The following FAM53B variants were observed in gnomAD, a reference collection of about 807,000 sequenced individuals.
FAM53B encodes the protein protein FAM53B.
Under a neutral mutation model 32.7 loss-of-function variants are expected in FAM53B, and 12 were observed. The observed-to-expected ratio is 0.37, with a 90% CI of 0.24 to 0.59. The LOEUF is 0.59. Among genes scored for constraint, FAM53B ranks in the 20% least tolerant of loss-of-function variants. The pLI, the probability that FAM53B is intolerant of heterozygous loss-of-function variation, is 0.72. For synonymous variants in FAM53B, 234 were observed against 228.7 expected (o/e 1.02, Z -0.21); for missense variants, 477 against 577.7 (o/e 0.83, Z 1.79).
chr10:124,646,572 G>A (rs1267516272), intron 4 of FAM53B, among the ~76,000 whole-genome samples: 2 of 152,216 alleles, frequency 1.3e-5, no homozygotes, highest in Non-Finnish European at 2.9e-5. Context: ...CATGAGACGA[G>A]GTTCCCGATA....
chr10:124,726,020 C>T (rs980518036), intron 1 of FAM53B, among the ~76,000 whole-genome samples: 2 of 152,114 alleles, frequency 1.3e-5, no homozygotes, highest in Non-Finnish European at 2.9e-5. Context: ...TAGAGAATTG[C>T]CTGAGAACTC....
Position 124,621,458 on chromosome 10 carries a change from G to A in FAM53B, c.*1784C>T, listed in dbSNP as rs535900808. On this transcript the variant is annotated 3_prime_UTR_variant, in exon 5 of 5. Transcript: ENST00000337318. ...CCGGCAGGAGCTACAGCAACCAGAG[G>A]TGAGCTGGTTCCCCGGCTCTGGGAC... 1.3e-5 allele frequency: 2 copies of A among 152,380 alleles called. No homozygotes were observed. The highest frequency in any genetic ancestry group is 3.9e-4 in the East Asian group (2 of 5,178). The allele number at this position is 152,380 out of a possible 1,614,324, so 9.4% of individuals were successfully genotyped here.
intron 3 of FAM53B, among the ~76,000 whole-genome samples, chr10:124,685,263 T>C (rs192837866): frequency 2.0e-5 from 3 of 152,384 alleles, no homozygotes; most frequent in East Asian, 1.9e-4. Flanking sequence ...TGTTCTTCTA[T>C]AGTCTCCAAA....
Position 124,620,894 on chromosome 10 carries a change from G to A in FAM53B, c.*2348C>T, listed in dbSNP as rs1564858243. 6.6e-6 allele frequency: 1 copy of A among 152,316 alleles called. No homozygotes were observed. Among genetic ancestry groups the A allele is most frequent in the Non-Finnish European group, 1.5e-5 (1 of 68,108 alleles). 9.4% of individuals were successfully genotyped at this position (152,316 alleles called of 1,614,324 possible). Reference sequence around the variant, plus strand: ...GGTCATTTCTCCCTAAGCGCCCTGGGGCTGGGCTTGCTGGTCGATGGGACC... The same window carrying A: ...GGTCATTTCTCCCTAAGCGCCCTGGAGCTGGGCTTGCTGGTCGATGGGACC... On this transcript the variant is annotated 3_prime_UTR_variant, in exon 5 of 5. Transcript: ENST00000337318.
chr10:124,707,939 C>T (rs1380123038), intron 1 of FAM53B: 1 of 152,206 alleles, frequency 6.6e-6, no homozygotes, highest in Non-Finnish European at 1.5e-5. Context: ...TCCGATAACC[C>T]ACCATCATTT....
At chr10:124,712,615 C>T (rs1950011843) in intron 1 of FAM53B, among the ~76,000 whole-genome samples, 1 of 152,124 alleles carries the variant, frequency 6.6e-6, no homozygotes, top group Admixed American at 6.5e-5. Context: ...CCACATTCAC[C>T]TCCCACCTCT....
chr10:124,636,171 C>T (rs1423512838), intron 4 of FAM53B, among the ~76,000 whole-genome samples: 1 of 152,176 alleles, frequency 6.6e-6, no homozygotes, highest in Non-Finnish European at 1.5e-5. Context: ...TTCACATGAT[C>T]GCTTGTGTTT....
chr10:124,628,440 G>C (rs1273980138), intron 4 of FAM53B, among the ~76,000 whole-genome samples: 2 of 152,204 alleles, frequency 1.3e-5, no homozygotes, highest in African/African-American at 4.8e-5. Flanking sequence ...AACCTGGAGG[G>C]TTCCGGAGAG....
intron 1 of FAM53B, among the ~76,000 whole-genome samples, chr10:124,716,901 G>A (rs1950041498): frequency 6.6e-6 from 1 of 152,104 alleles, no homozygotes; most frequent in South Asian, 2.1e-4. Context: ...GGGGACCGCA[G>A]CGGGCCCCAA....
intron 4 of FAM53B, among the ~76,000 whole-genome samples, chr10:124,675,134 A>G (rs1176733950): frequency 6.6e-6 from 1 of 152,198 alleles, no homozygotes; most frequent in Non-Finnish European, 1.5e-5. Flanking sequence ...CCTTAAGCAG[A>G]TTGCTTGTGC....
intron 3 of FAM53B, among the ~76,000 whole-genome samples, chr10:124,683,611 G>A (rs1005770058): frequency 1.5e-4 from 23 of 152,148 alleles, no homozygotes; most frequent in African/African-American, 5.6e-4. Flanking sequence ...AAGGCTTGGG[G>A]GACACTAAGC....
chr10:124,659,609 C>T (rs1172205659), intron 4 of FAM53B, among the ~76,000 whole-genome samples: 2 of 152,356 alleles, frequency 1.3e-5, no homozygotes, highest in Admixed American at 1.3e-4. Flanking sequence ...AAAACCACAG[C>T]CAGCTGAGGC....
intron 2 of FAM53B, among the ~76,000 whole-genome samples, chr10:124,700,729 T>C (rs548316894): frequency 2.1e-4 from 32 of 152,180 alleles, no homozygotes; most frequent in African/African-American, 7.0e-4. Flanking sequence ...CTGCAGAAAA[T>C]GCCAGGCCAC....
chr10:124,742,616 C>G (rs901533831), intron 1 of FAM53B: 2 of 152,298 alleles, frequency 1.3e-5, no homozygotes, highest in Admixed American at 6.5e-5. Flanking sequence ...CCTGGCTTCC[C>G]AGGCCAATAA....
intron 2 of FAM53B, among the ~76,000 whole-genome samples, chr10:124,706,378 T>C (rs1278488016): frequency 6.6e-6 from 1 of 152,208 alleles, no homozygotes; most frequent in East Asian, 1.9e-4. Context: ...TCACACTTGC[T>C]GTTATTTACC....
intron 2 of FAM53B, among the ~76,000 whole-genome samples, chr10:124,698,045 G>A (rs1214787095): frequency 6.6e-6 from 1 of 152,194 alleles, no homozygotes; most frequent in African/African-American, 2.4e-5. Flanking sequence ...GCACAGCTGA[G>A]AGCTCAGCCT....
At chr10:124,665,011 T>C (rs1949660150) in intron 4 of FAM53B, among the ~76,000 whole-genome samples, 1 of 152,134 alleles carries the variant, frequency 6.6e-6, no homozygotes, top group Admixed American at 6.5e-5. Flanking sequence ...CCTGGTAAGG[T>C]AGAGGGAGAA....
intron 4 of FAM53B, among the ~76,000 whole-genome samples, chr10:124,654,287 T>A (rs1949573031): frequency 6.6e-6 from 1 of 152,250 alleles, no homozygotes; most frequent in African/African-American, 2.4e-5. Flanking sequence ...ACAAAGGACC[T>A]GGAGCCTAGG....
At position 124,622,704 on chromosome 10, in the gene FAM53B, C is replaced by T. The variant is rs368239828; in HGVS notation, c.*538G>A. The T allele has an allele frequency of 2.7e-4, 41 of 153,178 alleles. No individual in the cohort carries two copies. The highest frequency in any genetic ancestry group is 3.4e-3 in the Middle Eastern group (1 of 296). The allele number at this position is 153,178 out of a possible 1,614,324, so 9.5% of individuals were successfully genotyped here. A position where few individuals can be genotyped will look rare whatever the true frequency, so the allele number is the denominator to read the frequency against. On this transcript the variant is annotated 3_prime_UTR_variant, in exon 5 of 5. Transcript: ENST00000337318. ...TGGTGTTACAGAAGGAAGCATCTCC[C>T]GAACCTTCCCAAGCCTGAAGCAGGG...
Sources: gnomAD v4.1 joint callset for allele counts (sites outside exome capture counted in the v4.1 genomes callset) on GRCh38, gnomAD v4.1.1 for gene constraint, MANE v1.5 for transcripts, NCBI Gene and HGNC (gene_info 2026-07-23, HGNC 2026-07-21) for gene names.